The following LMNTD1 variants were observed in gnomAD, a reference collection of about 807,000 sequenced individuals.
The protein encoded by LMNTD1 is lamin tail domain containing 1.
Under a neutral mutation model 50.9 loss-of-function variants are expected in LMNTD1, and 35 were observed. The ratio of observed to expected loss-of-function variants is 0.69; its 90% CI spans 0.53 to 0.91. The LOEUF is 0.91. Among genes scored for constraint, LMNTD1 ranks in the 40% least tolerant of loss-of-function variants. The probability of loss-of-function intolerance (pLI) is 0.00; values close to 1 mark genes in which losing one functional copy is unlikely to be tolerated. For missense variants in LMNTD1, 470 were observed against 475.5 expected, an observed-to-expected ratio of 0.99 and a Z score of 0.11; for synonymous variants, 153 against 161.9, an observed-to-expected ratio of 0.94 and a Z score of 0.42.
At chr12:25,559,959 T>A (rs1341338404) in intron 1 of LMNTD1, among the ~76,000 whole-genome samples, 1 of 152,208 alleles carries the variant, frequency 6.6e-6, no homozygotes, top group African/African-American at 2.4e-5. Context: ...GTCAGATGGG[T>A]AGATTATAAA....
chr12:25,561,983 T>C (rs1363931229), intron 1 of LMNTD1, among the ~76,000 whole-genome samples: 1 of 152,184 alleles, frequency 6.6e-6, no homozygotes, highest in Non-Finnish European at 1.5e-5. Context: ...GTTTTCCGTT[T>C]GCTTGGTAGA....
intron 1 of LMNTD1, among the ~76,000 whole-genome samples, chr12:25,601,063 A>G (rs1945958266): frequency 6.6e-6 from 1 of 152,032 alleles, no homozygotes; most frequent in Non-Finnish European, 1.5e-5. Flanking sequence ...ATCCACCAAC[A>G]GATGAATGGA....
Position 25,476,242 on chromosome 12 carries a change from T to C in LMNTD1, c.*241A>G, listed in dbSNP as rs1473961859. 1.3e-5 allele frequency: 2 copies of C among 152,262 alleles called. No individual in the cohort carries two copies. The highest frequency in any genetic ancestry group is 2.9e-5 in the Non-Finnish European group (2 of 68,044). The allele number at this position is 152,262 out of a possible 1,614,324, so 9.4% of individuals were successfully genotyped here. ...AATAATACTAACCATCTGCTTGTTTTCTGCAGGGATTTGGAAGGCAGGAGT... is the reference window on the plus strand; with the variant it reads ...AATAATACTAACCATCTGCTTGTTTCCTGCAGGGATTTGGAAGGCAGGAGT... On this transcript the variant is annotated 3_prime_UTR_variant, in exon 10 of 10. Transcript: ENST00000458174.
intron 9 of LMNTD1, among the ~76,000 whole-genome samples, chr12:25,489,398 C>A (rs562237175): frequency 4.6e-5 from 7 of 151,720 alleles, no homozygotes; most frequent in African/African-American, 1.7e-4. Flanking sequence ...TTTCCAGGTG[C>A]GTCCGTCACC....
At chr12:25,502,119 A>C (rs1939426413) in intron 9 of LMNTD1, among the ~76,000 whole-genome samples, 1 of 152,218 alleles carries the variant, frequency 6.6e-6, no homozygotes, top group African/African-American at 2.4e-5. Context: ...AGTTAAGCAA[A>C]ATAATAACCG....
chr12:25,515,748 A>G (rs1565956929), intron 8 of LMNTD1, among the ~76,000 whole-genome samples: 2 of 151,984 alleles, frequency 1.3e-5, no homozygotes, highest in Non-Finnish European at 2.9e-5. Context: ...TATCCTATTT[A>G]TTAGTCTCTA....
chr12:25,608,310 T>A (rs1048325388), intron 1 of LMNTD1, among the ~76,000 whole-genome samples: 1 of 152,252 alleles, frequency 6.6e-6, no homozygotes, highest in African/African-American at 2.4e-5. Flanking sequence ...TGTCTTTTAA[T>A]TGGGGCATTT....
intron 1 of LMNTD1, among the ~76,000 whole-genome samples, chr12:25,607,338 T>C (rs1946135811): frequency 6.6e-6 from 1 of 152,212 alleles, no homozygotes; most frequent in African/African-American, 2.4e-5. Flanking sequence ...TCTCCTTCAG[T>C]TCTGCTCTGA....
chr12:25,587,041 T>C (rs1945550882), intron 1 of LMNTD1, among the ~76,000 whole-genome samples: 1 of 152,198 alleles, frequency 6.6e-6, no homozygotes, highest in African/African-American at 2.4e-5. Flanking sequence ...TTGCCCATCC[T>C]GTTTCTCTCA....
intron 1 of LMNTD1, among the ~76,000 whole-genome samples, chr12:25,565,349 C>T (rs1180122927): frequency 1.3e-5 from 2 of 151,898 alleles, no homozygotes; most frequent in African/African-American, 4.8e-5. Flanking sequence ...TATCCATTAT[C>T]TGTTTTCTTA....
intron 9 of LMNTD1, among the ~76,000 whole-genome samples, chr12:25,493,904 C>G (rs1938972948): frequency 1.3e-5 from 2 of 152,096 alleles, no homozygotes; most frequent in African/African-American, 2.4e-5. Context: ...TCTTAGGCCA[C>G]TCACCCTTGG....
At chr12:25,532,495 G>A (rs1942294995) in intron 4 of LMNTD1, among the ~76,000 whole-genome samples, 1 of 152,078 alleles carries the variant, frequency 6.6e-6, no homozygotes, top group Non-Finnish European at 1.5e-5. Flanking sequence ...CTTAGTTGCG[G>A]CTTTCAAAAT....
intron 1 of LMNTD1, among the ~76,000 whole-genome samples, chr12:25,642,231 C>T (rs11836110): frequency 0.018 from 2,747 of 152,260 alleles, 81 homozygotes; most frequent in African/African-American, 0.062. Flanking sequence ...CCCCAAAATT[C>T]ATCTGTTGAA....
intron 1 of LMNTD1, among the ~76,000 whole-genome samples, chr12:25,624,133 A>G (rs1415274581): frequency 6.6e-6 from 1 of 152,180 alleles, no homozygotes; most frequent in African/African-American, 2.4e-5. Flanking sequence ...CTTATCTTCA[A>G]CATGTACTGA....
Position 25,552,978 on chromosome 12 carries a change from C to G in LMNTD1, c.-19G>C, listed in dbSNP as rs1418295420. ...CTTTCATCTTGGCTAGAAAAGAAGT[C>G]TCTTTTCTTTCCTAGGAAAGCAGAT... On this transcript the variant is annotated 5_prime_UTR_variant, in exon 2 of 10. Transcript: ENST00000458174. The G allele has an allele frequency of 6.2e-7, 1 of 1,605,452 alleles. No homozygotes were observed. The highest frequency in any genetic ancestry group is 8.5e-7 in the Non-Finnish European group (1 of 1,174,416).
chr12:25,544,300 C>T (rs560886143), intron 4 of LMNTD1, among the ~76,000 whole-genome samples: 2 of 151,740 alleles, frequency 1.3e-5, no homozygotes, highest in Admixed American at 1.3e-4. Context: ...CTGAATTGAC[C>T]CCTTTATCAT....
chr12:25,567,589 C>T (rs1450284937), intron 1 of LMNTD1, among the ~76,000 whole-genome samples: 2 of 152,144 alleles, frequency 1.3e-5, no homozygotes, highest in African/African-American at 2.4e-5. Flanking sequence ...ATTGGTCCCT[C>T]GTGAATGGTT....
intron 1 of LMNTD1, among the ~76,000 whole-genome samples, chr12:25,644,353 C>CG (rs1947018472): frequency 6.8e-6 from 1 of 146,794 alleles, no homozygotes; most frequent in Non-Finnish European, 1.5e-5. Context: ...AGCATGGTGG[C>CG]ATGTGCCTGT....
chr12:25,498,858 T>C (rs1455759682), intron 9 of LMNTD1, among the ~76,000 whole-genome samples: 2 of 152,190 alleles, frequency 1.3e-5, no homozygotes, highest in African/African-American at 4.8e-5. Context: ...GGCATCTTCA[T>C]TTTCTCTAGA....
Sources: gnomAD v4.1 joint callset for allele counts (sites outside exome capture counted in the v4.1 genomes callset) on GRCh38, gnomAD v4.1.1 for gene constraint, MANE v1.5 for transcripts, NCBI Gene and HGNC (gene_info 2026-07-23, HGNC 2026-07-21) for gene names.